Variants in CUX1 observed in about 807,000 individuals in gnomAD.
CUX1 encodes the protein protein CASP.
Under a neutral mutation model 158.8 loss-of-function variants are expected in CUX1, and 31 were observed. The ratio of observed to expected loss-of-function variants is 0.20; its 90% confidence interval spans 0.15 to 0.26. CUX1 has a LOEUF of 0.26. CUX1 is among the 10% of genes least tolerant of loss of function. The pLI, the probability that CUX1 is intolerant of heterozygous loss-of-function variation, is 1.00. For synonymous variants in CUX1, 879 were observed against 862.1 expected, an observed-to-expected ratio of 1.02 and a Z score of -0.34; for missense variants, 1,589 against 2,014.6, an observed-to-expected ratio of 0.79 and a Z score of 4.04.
intron 5 of CUX1, among the ~76,000 whole-genome samples, chr7:102,101,673 GC>G (rs1829787848): frequency 6.6e-6 from 1 of 152,162 alleles, no homozygotes. Flanking sequence ...ACTTTAGGAG[GC>G]CGAGGTGAGC....
intron 1 of CUX1, among the ~76,000 whole-genome samples, chr7:101,902,984 A>G (rs1225357629): frequency 6.6e-6 from 1 of 152,154 alleles, no homozygotes; most frequent in Non-Finnish European, 1.5e-5. Flanking sequence ...GATGTATGCT[A>G]AGTATAAAAA....
At chr7:101,947,874 C>G (rs1340620134) in intron 2 of CUX1, among the ~76,000 whole-genome samples, 1 of 152,166 alleles carries the variant, frequency 6.6e-6, no homozygotes, top group Admixed American at 6.5e-5. Context: ...AGTTCAGCTC[C>G]CAGGAATTGT....
intron 1 of CUX1, among the ~76,000 whole-genome samples, chr7:101,898,235 T>C (rs1801732451): frequency 1.3e-5 from 2 of 152,148 alleles, no homozygotes; most frequent in African/African-American, 4.8e-5. Context: ...ATTTGAGAAG[T>C]TTTCCCCAAT....
At chr7:102,102,727 C>G (rs1829911169) in intron 5 of CUX1, among the ~76,000 whole-genome samples, 1 of 152,204 alleles carries the variant, frequency 6.6e-6, no homozygotes, top group Non-Finnish European at 1.5e-5. Flanking sequence ...GAAAATGAGC[C>G]TCGCCTGCTA....
intron 20 of CUX1, among the ~76,000 whole-genome samples, chr7:102,225,009 T>C (rs1798204519): frequency 6.6e-6 from 1 of 152,186 alleles, no homozygotes; most frequent in Admixed American, 6.5e-5. Flanking sequence ...ATCCTTACGG[T>C]ACGGTTCCTC....
At chr7:101,849,938 T>TGA (rs1554393546) in intron 1 of CUX1, among the ~76,000 whole-genome samples, 2 of 141,220 alleles carry the variant, frequency 1.4e-5, no homozygotes, top group African/African-American at 5.3e-5. Flanking sequence ...TTTTTTTTTT[T>TGA]GACAGGGTCT....
At chr7:102,068,143 G>T (rs1012701431) in intron 3 of CUX1, among the ~76,000 whole-genome samples, 2 of 151,916 alleles carry the variant, frequency 1.3e-5, no homozygotes, top group African/African-American at 4.8e-5. Context: ...CCAGGCTGGA[G>T]TGCAGTTGTA....
chr7:102,135,078 C>T (rs1222450399), intron 8 of CUX1, among the ~76,000 whole-genome samples: 1 of 152,012 alleles, frequency 6.6e-6, no homozygotes, highest in South Asian at 2.1e-4. Context: ...CCAAAAGAAT[C>T]GTGTATAGTT....
intron 11 of CUX1, among the ~76,000 whole-genome samples, chr7:102,186,586 TATA>T (rs1245144987): frequency 2.5e-5 from 3 of 122,096 alleles, no homozygotes; most frequent in African/African-American, 9.9e-5. Flanking sequence ...AGTATATATA[TATA>T]TATATATTTT....
At chr7:102,274,392 A>G in intron 16 of CUX1, 2 of 1,239,186 alleles carry the variant, frequency 1.6e-6, no homozygotes, top group Non-Finnish European at 2.3e-6. Flanking sequence ...ACAGATCCCC[A>G]AAGAGTAGTC....
At chr7:101,961,776 T>G (rs2129176548) in intron 2 of CUX1, 1 of 149,930 alleles carries the variant, frequency 6.7e-6, no homozygotes, top group East Asian at 2.0e-4. Flanking sequence ...TTCCAGAGGC[T>G]GAGGCAGGAA....
intron 2 of CUX1, among the ~76,000 whole-genome samples, chr7:101,995,849 A>G (rs1185331770): frequency 6.6e-6 from 1 of 152,018 alleles, no homozygotes; most frequent in Non-Finnish European, 1.5e-5. Context: ...GCGGTGGCTC[A>G]CGACAGTCCT....
intron 22 of CUX1, among the ~76,000 whole-genome samples, chr7:102,237,498 T>G (rs558519452): frequency 6.6e-6 from 1 of 152,186 alleles, no homozygotes; most frequent in African/African-American, 2.4e-5. Context: ...TCCAGGCTGG[T>G]CTCAAACTCC....
chr7:101,975,878 C>A (rs1454992768), intron 2 of CUX1, among the ~76,000 whole-genome samples: 1 of 152,172 alleles, frequency 6.6e-6, no homozygotes, highest in South Asian at 2.1e-4. Flanking sequence ...CAGCTGCTCA[C>A]GCCTGTAACC....
intron 1 of CUX1, among the ~76,000 whole-genome samples, chr7:101,891,176 G>A (rs1375371981): frequency 2.0e-5 from 3 of 152,130 alleles, no homozygotes; most frequent in Non-Finnish European, 4.4e-5. Context: ...GAAGTTGGCT[G>A]TTTGGAGTCT....
chr7:102,005,186 G>A (rs746663759), intron 2 of CUX1, among the ~76,000 whole-genome samples: 5 of 152,198 alleles, frequency 3.3e-5, no homozygotes, highest in South Asian at 4.1e-4. Flanking sequence ...CTTGGCTCTC[G>A]ATAGAGTCGG....
intron 2 of CUX1, among the ~76,000 whole-genome samples, chr7:101,927,164 AC>A (rs1805688756): frequency 1.3e-5 from 2 of 152,072 alleles, no homozygotes; most frequent in African/African-American, 4.8e-5. Flanking sequence ...ACACACACAC[AC>A]ACACACACAC....
chr7:102,155,228 G>A (rs1395345972), intron 8 of CUX1, among the ~76,000 whole-genome samples: 1 of 152,004 alleles, frequency 6.6e-6, no homozygotes, highest in Non-Finnish European at 1.5e-5. Flanking sequence ...GTAACTAACT[G>A]AAGTACAAAA....
intron 22 of CUX1, among the ~76,000 whole-genome samples, chr7:102,235,133 GTTC>G (rs538757558): frequency 6.6e-5 from 10 of 152,342 alleles, no homozygotes; most frequent in African/African-American, 2.2e-4. Context: ...GTGGATTCAT[GTTC>G]TTCTTGCAGC....
Sources: gnomAD v4.1 joint callset for allele counts (sites outside exome capture counted in the v4.1 genomes callset) on GRCh38, gnomAD v4.1.1 for gene constraint, MANE v1.5 for transcripts, NCBI Gene and HGNC (gene_info 2026-07-23, HGNC 2026-07-21) for gene names.